Variants in RASA2 observed in about 807,000 individuals in gnomAD.
RASA2 encodes the protein ras GTPase-activating protein 2.
A neutral mutation model predicts 118.2 loss-of-function variants in RASA2; 155 were observed. The observed-to-expected ratio is 1.31, with a 90% CI of 1.15 to 1.50. The LOEUF (loss-of-function observed/expected upper bound fraction) is 1.50, where lower values mean the gene tolerates loss of function less well. Ranked by LOEUF, RASA2 falls within the 40% of genes most tolerant of loss-of-function variation. The pLI is 0.00. For synonymous variants in RASA2, 353 were observed against 349.1 expected, an observed-to-expected ratio of 1.01 and a Z score of -0.12; for missense variants, 1,016 against 1,009.6, an observed-to-expected ratio of 1.01 and a Z score of -0.09.
At chr3:141,594,441 T>C (rs548363380) in intron 19 of RASA2, among the ~76,000 whole-genome samples, 8 of 152,088 alleles carry the variant, frequency 5.3e-5, no homozygotes, top group South Asian at 2.1e-4. Flanking sequence ...AGAAGCTCAA[T>C]GAACTGCAAG....
intron 4 of RASA2, among the ~76,000 whole-genome samples, chr3:141,532,779 C>T (rs1346225515): frequency 6.6e-6 from 1 of 152,096 alleles, no homozygotes; most frequent in African/African-American, 2.4e-5. Flanking sequence ...CCCCCCTGCC[C>T]TGACTCAGTA....
intron 19 of RASA2, among the ~76,000 whole-genome samples, chr3:141,595,539 T>C (rs2083352423): frequency 6.6e-6 from 1 of 152,240 alleles, no homozygotes; most frequent in East Asian, 1.9e-4. Context: ...TGTACATACC[T>C]AATTACAACT....
intron 1 of RASA2, among the ~76,000 whole-genome samples, chr3:141,487,912 A>G (rs2081598096): frequency 6.6e-6 from 1 of 152,180 alleles, no homozygotes; most frequent in Non-Finnish European, 1.5e-5. Context: ...GGACGGCGTG[A>G]CAGGCGGGAC....
At chr3:141,608,429 G>A (rs2083582554) in intron 20 of RASA2, 60 bp from the exon 21 acceptor site, 3 of 1,498,586 alleles carry the variant, frequency 2.0e-6, no homozygotes, top group Non-Finnish European at 1.9e-6. Context: ...CTTCTGTTTT[G>A]TACTGTGTGT....
chr3:141,577,985 T>G (rs1275054872), intron 15 of RASA2, among the ~76,000 whole-genome samples: 1 of 152,350 alleles, frequency 6.6e-6, no homozygotes, highest in East Asian at 1.9e-4. Context: ...TAAGCTTTTA[T>G]GTTCCAAATA....
rs150907683 is a variant in RASA2 at position 141,594,023 on chromosome 3, G to A, written c.1933+7271G>A. 8.5e-5 allele frequency among the ~76,000 whole-genome samples: 13 copies of A among 152,244 alleles called. No individual in the cohort carries two copies. The East Asian group carries it at 1.5e-3, about 18-fold the overall frequency. ...GGAATTAGCAGACGTGAACGTTAAA[G>A]CCTCTATTATAAATATTTCAAGGAC... On this transcript the variant is annotated intron_variant, in intron 19 of 23. Transcript: ENST00000286364.
At chr3:141,562,257 A>G (rs1439337497) in intron 9 of RASA2, among the ~76,000 whole-genome samples, 5 of 150,194 alleles carry the variant, frequency 3.3e-5, no homozygotes, top group African/African-American at 9.8e-5. Context: ...TTGGTCTCAC[A>G]TTTTTAACGT....
intron 17 of RASA2, among the ~76,000 whole-genome samples, chr3:141,585,131 G>T (rs2083180064): frequency 6.6e-6 from 1 of 151,996 alleles, no homozygotes; most frequent in Non-Finnish European, 1.5e-5. Flanking sequence ...CTATAATAAA[G>T]GTTCACAATC....
rs1337348462 is a variant in RASA2, at chr3:141,594,719, TGAGA to T, written c.1933+7972_1933+7975del. Among the ~76,000 whole-genome samples, 3 of 152,130 alleles carry T rather than the reference TGAGA, an allele frequency of 2.0e-5. No individual in the cohort carries two copies. The East Asian group carries it at 5.8e-4, about 29-fold the overall frequency. ...AAATATATTTTAAATAAATGAAAGC[TGAGA>T]GAGACTCCATTGTGAGCAAGCCTGC... On this transcript the variant is annotated intron_variant, in intron 19 of 23. Transcript: ENST00000286364.
chr3:141,535,177 T>A (rs987306865), intron 4 of RASA2, among the ~76,000 whole-genome samples: 1 of 152,248 alleles, frequency 6.6e-6, no homozygotes, highest in Non-Finnish European at 1.5e-5. Context: ...AACATATTTT[T>A]AAATTAAAAT....
intron 18 of RASA2, 32 bp downstream of exon 18, chr3:141,586,130 A>C: frequency 6.5e-7 from 1 of 1,530,126 alleles, no homozygotes; most frequent in Non-Finnish European, 9.0e-7. Flanking sequence ...TGAAAGTCAT[A>C]TATCAGTATA....
Position 141,586,735 on chromosome 3 carries a change from C to T in RASA2, c.1916C>T (p.Thr639Ile), listed in dbSNP as rs766405631. ...TTCTGCTTAACAAGCAGAGAGCTCA[C>T]CTACCACAAACAGCCAGGTAGTTGT... is the stretch of plus-strand genomic sequence containing the variant. ...RWFCLTSREL[T>I]YHKQPGKDAI... Residue 639 changes from threonine to isoleucine, a missense_variant, in exon 19 of 24, where the codon ACC becomes ATC. Physicochemically the swap from Thr to Ile is moderately conservative, Grantham distance 89. Coordinates refer to ENST00000286364, the MANE Select transcript of RASA2 (RefSeq NM_006506.5). 2.5e-6 allele frequency: 4 copies of T among 1,612,282 alleles called. No homozygotes were observed. Among genetic ancestry groups the T allele is most frequent in the East Asian group, 2.2e-5 (1 of 44,796 alleles).
intron 3 of RASA2, among the ~76,000 whole-genome samples, chr3:141,526,924 C>T (rs904749419): frequency 6.6e-6 from 1 of 152,170 alleles, no homozygotes; most frequent in Non-Finnish European, 1.5e-5. Context: ...AATATATTAC[C>T]TGTGTGACTA....
chr3:141,595,107 T>C (rs1355856357), intron 19 of RASA2, among the ~76,000 whole-genome samples: 1 of 152,016 alleles, frequency 6.6e-6, no homozygotes, highest in African/African-American at 2.4e-5. Flanking sequence ...GAACAAAAAT[T>C]TAGGGAAATA....
At position 141,615,314 on chromosome 3, in the gene RASA2, A is replaced by C. The variant is rs2107809551; in HGVS notation, c.*3001A>C. On this transcript the variant is annotated 3_prime_UTR_variant, in exon 24 of 24. Transcript: ENST00000286364. Reference sequence around the variant, plus strand: ...TTAACTTTTGTAACTGTCGCTTGGAAATAACTCAAATAAATTACAAGAAGC... The same window carrying C: ...TTAACTTTTGTAACTGTCGCTTGGACATAACTCAAATAAATTACAAGAAGC... 1 of 152,098 alleles carries C rather than the reference A, an allele frequency of 6.6e-6. No homozygotes were observed. Among genetic ancestry groups the C allele is most frequent in the Admixed American group, 6.5e-5 (1 of 15,278 alleles). 9.4% of individuals were successfully genotyped at this position (152,098 alleles called of 1,614,324 possible).
At chr3:141,495,085 T>C (rs746012998) in intron 1 of RASA2, among the ~76,000 whole-genome samples, 1 of 152,232 alleles carries the variant, frequency 6.6e-6, no homozygotes, top group African/African-American at 2.4e-5. Context: ...TTGCAGTGTA[T>C]CCTTCAGACA....
intron 4 of RASA2, among the ~76,000 whole-genome samples, chr3:141,532,653 A>C (rs530587289): frequency 7.9e-5 from 12 of 152,286 alleles, no homozygotes; most frequent in Non-Finnish European, 1.5e-4. Flanking sequence ...TATAAAATAC[A>C]CTAAGGTATT....
At chr3:141,528,031 C>G (rs890918331) in intron 3 of RASA2, among the ~76,000 whole-genome samples, 2 of 151,858 alleles carry the variant, frequency 1.3e-5, no homozygotes, top group East Asian at 3.9e-4. Flanking sequence ...TGGGAAGATA[C>G]GTATTTGTTA....
In RASA2 at chr3:141,514,290, A is replaced by T. The variant is rs1378552120; in HGVS notation, c.251+2010A>T. ...TCAGAAAAGATATGGCCAAGAGCACATGAAAAGGTATTGGACATTGTTAGT... is the reference window on the plus strand; with the variant it reads ...TCAGAAAAGATATGGCCAAGAGCACTTGAAAAGGTATTGGACATTGTTAGT... On this transcript the variant is annotated intron_variant, in intron 2 of 23. Coordinates refer to ENST00000286364, the MANE Select transcript of RASA2 (RefSeq NM_006506.5). Among the ~76,000 whole-genome samples the T allele has an allele frequency of 3.9e-5, 6 of 152,346 alleles. No individual in the cohort carries two copies. In the East Asian group the frequency reaches 1.2e-3, roughly 29 times the overall value.
Sources: allele counts gnomAD v4.1 joint callset (sites outside exome capture counted in the v4.1 genomes callset), GRCh38; gene constraint gnomAD v4.1.1; transcripts MANE v1.5; gene names NCBI Gene and HGNC (gene_info 2026-07-23, HGNC 2026-07-21).